The following FHIT variants were observed in gnomAD, a reference collection of about 807,000 sequenced individuals.
FHIT encodes fragile histidine triad diadenosine triphosphatase.
FHIT carries 19 observed loss-of-function variants against 17.9 expected under a neutral mutation model. That is an observed-to-expected ratio of 1.06 (90% CI 0.74 to 1.56). The LOEUF is 1.56. FHIT is among the 40% of genes most tolerant of loss of function. The probability of loss-of-function intolerance (pLI) is 0.00; values close to 1 mark genes in which losing one functional copy is unlikely to be tolerated. For synonymous variants in FHIT, 81 were observed against 69.7 expected (o/e 1.16, Z -0.81); for missense variants, 248 against 189.2 (o/e 1.31, Z -1.82).
At chr3:60,963,116 T>C (rs1221232548) in intron 3 of FHIT, among the ~76,000 whole-genome samples, 3 of 152,238 alleles carry the variant, frequency 2.0e-5, no homozygotes, top group Non-Finnish European at 4.4e-5. Flanking sequence ...AGCCTGTTAT[T>C]GGTCTATTAA....
intron 2 of FHIT, among the ~76,000 whole-genome samples, chr3:61,046,580 C>T (rs943038503): frequency 2.6e-5 from 4 of 152,134 alleles, no homozygotes; most frequent in Non-Finnish European, 5.9e-5. Flanking sequence ...GACCTGGTAC[C>T]GTTGCTTCTG....
chr3:60,516,372 T>G (rs1439780942), intron 5 of FHIT, among the ~76,000 whole-genome samples: 1 of 152,242 alleles, frequency 6.6e-6, no homozygotes, highest in Non-Finnish European at 1.5e-5. Context: ...TGCTTCTGTA[T>G]GCAATCTATC....
chr3:59,830,820 C>T (rs555063600), intron 8 of FHIT, among the ~76,000 whole-genome samples: 16 of 152,164 alleles, frequency 1.1e-4, no homozygotes, highest in Admixed American at 2.6e-4. Flanking sequence ...TGCAATTGTG[C>T]ACAGCAGCCA....
At chr3:59,752,423 GAGGCCAGT>G (rs1287690156) in intron 8 of FHIT, 102 bp from the exon 9 acceptor site, 1 of 677,320 alleles carries the variant, frequency 1.5e-6, no homozygotes, top group Non-Finnish European at 2.5e-6. Context: ...TTGCAAATTA[GAGGCCAGT>G]AGGTGTATCT....
At chr3:59,934,306 G>A (rs190113656) in intron 7 of FHIT, among the ~76,000 whole-genome samples, 37 of 152,226 alleles carry the variant, frequency 2.4e-4, no homozygotes, top group Admixed American at 9.2e-4. Context: ...ACATCCAAGT[G>A]TGATACTACT....
chr3:60,054,296 G>C (rs1362351810), intron 5 of FHIT, among the ~76,000 whole-genome samples: 1 of 152,146 alleles, frequency 6.6e-6, no homozygotes, highest in Non-Finnish European at 1.5e-5. Context: ...CTATTTTCAA[G>C]CACAAAGTTA....
chr3:60,752,031 C>A (rs2108033401), intron 4 of FHIT, among the ~76,000 whole-genome samples: 1 of 152,238 alleles, frequency 6.6e-6, no homozygotes, highest in African/African-American at 2.4e-5. Flanking sequence ...GAAGAGTACA[C>A]ATATTATGTA....
intron 3 of FHIT, among the ~76,000 whole-genome samples, chr3:60,901,516 A>G (rs1395152352): frequency 6.6e-6 from 1 of 152,224 alleles, no homozygotes; most frequent in Non-Finnish European, 1.5e-5. Context: ...GAATAACTCT[A>G]AGTCATTACA....
intron 4 of FHIT, among the ~76,000 whole-genome samples, chr3:60,769,772 G>A (rs570928625): frequency 2.0e-5 from 3 of 152,328 alleles, no homozygotes; most frequent in African/African-American, 7.2e-5. Context: ...CTCAGCTATT[G>A]TTACAGGTGC....
At chr3:59,765,086 G>T (rs1031559364) in intron 8 of FHIT, among the ~76,000 whole-genome samples, 1 of 152,158 alleles carries the variant, frequency 6.6e-6, no homozygotes, top group African/African-American at 2.4e-5. Context: ...AACAGCCATG[G>T]CTGAGAGATA....
At chr3:59,911,201 C>G (rs1704855453) in intron 8 of FHIT, among the ~76,000 whole-genome samples, 1 of 152,074 alleles carries the variant, frequency 6.6e-6, no homozygotes, top group Admixed American at 6.5e-5. Context: ...ATATATTCCT[C>G]TATTATTTGG....
intron 5 of FHIT, among the ~76,000 whole-genome samples, chr3:60,020,839 G>A (rs901968583): frequency 6.6e-6 from 1 of 152,146 alleles, no homozygotes; most frequent in Non-Finnish European, 1.5e-5. Context: ...GTCAAAGTAG[G>A]CGGCATCTCA....
chr3:60,970,024 A>T (rs1266899023), intron 3 of FHIT, among the ~76,000 whole-genome samples: 1 of 152,040 alleles, frequency 6.6e-6, no homozygotes, highest in Non-Finnish European at 1.5e-5. Flanking sequence ...GGGTTTCGCC[A>T]TGTTTTCCAG....
intron 5 of FHIT, among the ~76,000 whole-genome samples, chr3:60,121,745 CAT>C (rs1559651274): frequency 2.0e-5 from 3 of 147,176 alleles, no homozygotes; most frequent in African/African-American, 7.4e-5. Context: ...CACACACACA[CAT>C]TAGCCCTGTG....
chr3:60,970,505 CTTTA>C (rs1229963531), intron 3 of FHIT, among the ~76,000 whole-genome samples: 2 of 151,838 alleles, frequency 1.3e-5, no homozygotes, highest in Non-Finnish European at 2.9e-5. Context: ...TTAATATATT[CTTTA>C]TTTGTCTCAC....
chr3:60,447,032 A>G (rs2031386463), intron 5 of FHIT, among the ~76,000 whole-genome samples: 1 of 151,988 alleles, frequency 6.6e-6, no homozygotes, highest in African/African-American at 2.4e-5. Context: ...ATCACCAAAA[A>G]TTATGTTGCC....
chr3:61,182,755 G>C (rs1257364766), intron 2 of FHIT, among the ~76,000 whole-genome samples: 3 of 152,096 alleles, frequency 2.0e-5, no homozygotes, highest in Non-Finnish European at 4.4e-5. Flanking sequence ...AGGGGGTATG[G>C]GGGGTGGGGT....
At chr3:59,870,865 G>GTTTT (rs66471610) in intron 8 of FHIT, among the ~76,000 whole-genome samples, 1 of 99,270 alleles carries the variant, frequency 1.0e-5, no homozygotes, top group African/African-American at 2.6e-5. Context: ...GCGTGTGTGT[G>GTTTT]TGTGTGTGCG....
intron 3 of FHIT, among the ~76,000 whole-genome samples, chr3:60,988,492 T>C (rs989827200): frequency 6.6e-6 from 1 of 152,092 alleles, no homozygotes; most frequent in African/African-American, 2.4e-5. Context: ...CCAAGAGCAA[T>C]GTGAACATAG....
Sources: gnomAD v4.1 joint callset for allele counts (sites outside exome capture counted in the v4.1 genomes callset) on GRCh38, gnomAD v4.1.1 for gene constraint, MANE v1.5 for transcripts, NCBI Gene and HGNC (gene_info 2026-07-23, HGNC 2026-07-21) for gene names.